Variants in TENM4 observed in about 807,000 individuals in gnomAD.
TENM4 encodes teneurin transmembrane protein 4.
A neutral mutation model predicts 243.3 loss-of-function variants in TENM4; 82 were observed. The ratio of observed to expected loss-of-function variants is 0.34; its 90% CI spans 0.28 to 0.40. TENM4 has a LOEUF of 0.40. Among genes scored for constraint, TENM4 ranks in the 10% least tolerant of loss-of-function variants. The pLI, the probability that TENM4 is intolerant of heterozygous loss-of-function variation, is 1.00. For synonymous variants in TENM4, 1,412 were observed against 1,456.3 expected (o/e 0.97, Z 0.69); for missense variants, 3,138 against 3,673.3 (o/e 0.85, Z 3.77).
chr11:79,181,192 A>C (rs929365239), intron 3 of TENM4, among the ~76,000 whole-genome samples: 6 of 152,166 alleles, frequency 3.9e-5, no homozygotes, highest in Admixed American at 3.9e-4. Flanking sequence ...AAAATCTTCA[A>C]CTAAATATTA....
At chr11:78,660,775 G>C (rs760487703) in intron 33 of TENM4, among the ~76,000 whole-genome samples, 14 of 152,310 alleles carry the variant, frequency 9.2e-5, no homozygotes, top group South Asian at 2.1e-4. Flanking sequence ...GTAGGGAGGG[G>C]AGAAGCGAGC....
At chr11:79,092,885 T>C (rs1213797987) in intron 4 of TENM4, 1 of 152,226 alleles carries the variant, frequency 6.6e-6, no homozygotes, top group African/African-American at 2.4e-5. Flanking sequence ...TTTCCTGAGG[T>C]AAGTTACTCT....
intron 3 of TENM4, among the ~76,000 whole-genome samples, chr11:79,154,484 C>T (rs548414440): frequency 1.3e-5 from 2 of 152,188 alleles, no homozygotes; most frequent in East Asian, 3.9e-4. Flanking sequence ...TTGGAGGGAA[C>T]AAAACATCCA....
At chr11:78,752,231 G>A (rs1590994092) in intron 19 of TENM4, among the ~76,000 whole-genome samples, 2 of 152,202 alleles carry the variant, frequency 1.3e-5, no homozygotes, top group African/African-American at 4.8e-5. Context: ...ACCAGAGAGG[G>A]CCCCTCAGGG....
chr11:79,091,352 TA>T (rs1238173458), intron 4 of TENM4, among the ~76,000 whole-genome samples: 1 of 152,176 alleles, frequency 6.6e-6, no homozygotes, highest in African/African-American at 2.4e-5. Context: ...TTATTCCTTT[TA>T]CATATATCTA....
chr11:78,917,651 T>C (rs1856347732), intron 6 of TENM4, among the ~76,000 whole-genome samples: 1 of 152,150 alleles, frequency 6.6e-6, no homozygotes, highest in South Asian at 2.1e-4. Context: ...AGAAATGTAA[T>C]AATAATACCA....
At chr11:79,106,534 G>A (rs1433715311) in intron 4 of TENM4, among the ~76,000 whole-genome samples, 28 of 152,224 alleles carry the variant, frequency 1.8e-4, no homozygotes, top group Admixed American at 1.8e-3. Context: ...AAAGAGCTAA[G>A]CAGTGCCTGC....
intron 6 of TENM4, among the ~76,000 whole-genome samples, chr11:78,907,904 A>C (rs1856097995): frequency 6.6e-6 from 1 of 152,174 alleles, no homozygotes; most frequent in Admixed American, 6.5e-5. Flanking sequence ...CCCAAATGTG[A>C]GTCATTTTAC....
intron 3 of TENM4, among the ~76,000 whole-genome samples, chr11:79,195,372 T>C (rs1311134985): frequency 6.6e-6 from 1 of 152,090 alleles, no homozygotes; most frequent in Non-Finnish European, 1.5e-5. Context: ...CATTGACAGC[T>C]TGCACCGTGC....
chr11:79,401,117 T>C (rs1375070141), intron 1 of TENM4, among the ~76,000 whole-genome samples: 1 of 152,222 alleles, frequency 6.6e-6, no homozygotes. Context: ...CAGGAAATAA[T>C]ACAAGGGATC....
chr11:79,153,187 A>T (rs1472293371), intron 3 of TENM4, among the ~76,000 whole-genome samples: 1 of 152,238 alleles, frequency 6.6e-6, no homozygotes, highest in Non-Finnish European at 1.5e-5. Flanking sequence ...AATAACAACC[A>T]ATTCAAAACC....
intron 12 of TENM4, among the ~76,000 whole-genome samples, chr11:78,815,884 A>T (rs893564530): frequency 3.3e-5 from 5 of 152,254 alleles, no homozygotes; most frequent in African/African-American, 9.6e-5. Flanking sequence ...CAAGGACTGG[A>T]ACCCGAGCCT....
At chr11:79,238,070 A>G (rs1482736608) in intron 2 of TENM4, among the ~76,000 whole-genome samples, 1 of 152,188 alleles carries the variant, frequency 6.6e-6, no homozygotes, top group Non-Finnish European at 1.5e-5. Context: ...ATTTTCAATT[A>G]AGCTGGGAGC....
At chr11:78,726,956 C>T (rs1426522952) in intron 22 of TENM4, among the ~76,000 whole-genome samples, 1 of 152,098 alleles carries the variant, frequency 6.6e-6, no homozygotes, top group East Asian at 1.9e-4. Context: ...AAGTCTTCAC[C>T]ACATTATTTA....
intron 15 of TENM4, among the ~76,000 whole-genome samples, chr11:78,800,690 C>G (rs1457697330): frequency 6.6e-6 from 1 of 151,800 alleles, no homozygotes; most frequent in Non-Finnish European, 1.5e-5. Flanking sequence ...ATGTTTGTCC[C>G]TATGCTAGGG....
intron 6 of TENM4, among the ~76,000 whole-genome samples, chr11:79,005,039 A>G (rs1344702631): frequency 6.6e-6 from 1 of 152,048 alleles, no homozygotes; most frequent in Non-Finnish European, 1.5e-5. Flanking sequence ...CTCAAAACAT[A>G]CAATGTCCCC....
intron 6 of TENM4, among the ~76,000 whole-genome samples, chr11:78,969,615 T>A (rs1857501644): frequency 6.6e-6 from 1 of 152,214 alleles, no homozygotes; most frequent in African/African-American, 2.4e-5. Context: ...AATGCCCAAA[T>A]GGAATCTTAT....
chr11:78,796,509 G>A (rs140995969), intron 15 of TENM4, among the ~76,000 whole-genome samples: 12 of 152,194 alleles, frequency 7.9e-5, no homozygotes, highest in Admixed American at 4.6e-4. Flanking sequence ...TCTCCACTCA[G>A]TCATAAGCTC....
rs943754862 is a variant in TENM4, at chr11:78,665,133, T to G, written c.7409-3542A>C. 2.6e-5 allele frequency among the ~76,000 whole-genome samples: 4 copies of G among 151,738 alleles called. No individual in the cohort carries two copies. The East Asian group carries it at 7.7e-4, about 29-fold the overall frequency. On this transcript the variant is annotated intron_variant, in intron 32 of 33. Transcript: ENST00000278550. ...TGAAATGTAGGCAACAATAATCTCC[T>G]TCCTTCCTTCCTTCTTTCTTTTCTT...
Sources: allele counts gnomAD v4.1 joint callset (sites outside exome capture counted in the v4.1 genomes callset), GRCh38; gene constraint gnomAD v4.1.1; transcripts MANE v1.5; gene names NCBI Gene and HGNC (gene_info 2026-07-23, HGNC 2026-07-21).